CCDC88A: variants seen among roughly 807,000 people sequenced by gnomAD.
CCDC88A encodes the protein coiled-coil and HOOK domain protein 88A.
A neutral mutation model predicts 234.3 loss-of-function variants in CCDC88A; 54 were observed. The ratio of observed to expected loss-of-function variants is 0.23; its 90% CI spans 0.19 to 0.29. The LOEUF (loss-of-function observed/expected upper bound fraction) is 0.29. CCDC88A is among the 10% of genes least tolerant of loss of function. The pLI is 1.00. For missense variants in CCDC88A, 1,832 were observed against 2,123.4 expected (o/e 0.86, Z 2.70); for synonymous variants, 753 against 737.8 (o/e 1.02, Z -0.33).
rs1202196350 is a variant in CCDC88A, at chr2:55,288,232, C to T, written c.*2968G>A. The stretch of plus-strand genomic sequence containing the variant: ...AAGTGCAACTTTATCCATATGCATT[C>T]CTTTTAAGGCATTTTCATTGTCCAA... On this transcript the variant is annotated 3_prime_UTR_variant, in exon 33 of 33. Coordinates refer to ENST00000436346, the MANE Select transcript of CCDC88A (RefSeq NM_001365480.1). The T allele has an allele frequency of 6.6e-6, 1 of 152,548 alleles. No homozygotes were observed. The highest frequency in any genetic ancestry group is 1.5e-5 in the Non-Finnish European group (1 of 68,022). The allele number at this position is 152,548 out of a possible 1,614,324, so 9.4% of individuals were successfully genotyped here.
At chr2:55,294,452 A>G (rs1449852238) in intron 31 of CCDC88A, 1 of 859,562 alleles carries the variant, frequency 1.2e-6, no homozygotes, top group Non-Finnish European at 1.4e-6. Flanking sequence ...TTTTATAAAT[A>G]TGGGTATTAG....
intron 2 of CCDC88A, among the ~76,000 whole-genome samples, chr2:55,408,878 C>T (rs1680022071): frequency 6.6e-6 from 1 of 152,116 alleles, no homozygotes; most frequent in South Asian, 2.1e-4. Flanking sequence ...GTAAGTTCCT[C>T]CTGATACTTG....
rs1467625519 is a variant in CCDC88A at position 55,335,098 on chromosome 2, G to C, written c.1723C>G (p.Gln575Glu). 1 of 1,598,664 alleles carries C rather than the reference G, an allele frequency of 6.3e-7. No individual in the cohort carries two copies. Among genetic ancestry groups the C allele is most frequent in the South Asian group, 1.1e-5 (1 of 87,418 alleles). The change falls in exon 15 of 33, where the codon CAG (glutamine) becomes GAG (glutamate). Residue 575 changes from glutamine (Q) to glutamate (E), a missense_variant. Around this residue, in one of 6 missense-constraint regions of CCDC88A, gnomAD observed 1,282 missense variants for 1,543.6 expected, o/e 0.83. Coordinates refer to ENST00000436346, the MANE Select transcript of CCDC88A (RefSeq NM_001365480.1). The surrounding 1 kb of genome is among the most constrained non-coding windows in gnomAD (Gnocchi z 4.5). ...QTVSSLRQRS[Q>E]ISAEARVKDI... ...TTCACTCTTGCTTCTGCACTTATCT[G>C]GGACCGCTGCCTTAAGGAAGACACT...
chr2:55,358,943 G>A (rs530432704), intron 7 of CCDC88A, among the ~76,000 whole-genome samples: 1 of 152,128 alleles, frequency 6.6e-6, no homozygotes, highest in South Asian at 2.1e-4. Context: ...CACATACTTG[G>A]AGTCAACTTT....
chr2:55,386,029 GC>G (rs2104879735), intron 3 of CCDC88A, among the ~76,000 whole-genome samples: 1 of 151,344 alleles, frequency 6.6e-6, no homozygotes, highest in Admixed American at 6.6e-5. Context: ...TTCAAGACCA[GC>G]CTGACCAATA....
At chr2:55,350,862 G>C (rs925598230) in intron 8 of CCDC88A, among the ~76,000 whole-genome samples, 1 of 151,976 alleles carries the variant, frequency 6.6e-6, no homozygotes, top group African/African-American at 2.4e-5. Context: ...CTGTTGTCCA[G>C]GGTGGTCTTG....
chr2:55,343,663 T>A lies in CCDC88A; in HGVS notation c.1318A>T (p.Ser440Cys), dbSNP rs748600311. Reference sequence around the variant, plus strand: ...TTGGGAATACCTTCGGAAAGTTCACTAGTTCTGGATATCTGTTCCAGTTCC... The same window carrying A: ...TTGGGAATACCTTCGGAAAGTTCACAAGTTCTGGATATCTGTTCCAGTTCC... ...GWELEQISRTSELSEAPQKSL... is the reference protein window; with the variant it reads ...GWELEQISRTCELSEAPQKSL... Residue 440 changes from serine (S) to cysteine (C), a missense_variant, in exon 12 of 33, where the codon AGT becomes TGT. By Grantham distance (112) the Ser-to-Cys change is moderately radical. Coordinates refer to ENST00000436346, the MANE Select transcript of CCDC88A (RefSeq NM_001365480.1). 4.4e-6 allele frequency: 7 copies of A among 1,602,574 alleles called. No homozygotes were observed. Among genetic ancestry groups the A allele is most frequent in the Non-Finnish European group, 6.0e-6 (7 of 1,176,058 alleles).
At chr2:55,369,829 A>C (rs745675246) in intron 5 of CCDC88A, among the ~76,000 whole-genome samples, 1 of 152,102 alleles carries the variant, frequency 6.6e-6, no homozygotes, top group Non-Finnish European at 1.5e-5. Flanking sequence ...AACTTAAGAA[A>C]ATACTTCTTC....
At chr2:55,400,592 G>C (rs753464379) in intron 2 of CCDC88A, among the ~76,000 whole-genome samples, 21 of 152,230 alleles carry the variant, frequency 1.4e-4, no homozygotes, top group Non-Finnish European at 2.1e-4. Flanking sequence ...TTGTAAATCA[G>C]GAAAAAAGAT....
rs1042346130 is a variant in CCDC88A at position 55,388,808 on chromosome 2, A to C, written c.243T>G (p.Ile81Met). ...AATAAAATTTTATCTGTCTCACCAA[A>C]ATGGATAGATTGTGCATTCTAAGTG... is the stretch of plus-strand genomic sequence containing the variant. Reference protein sequence around the residue: ...DASLRMHNLSILVRQIKFYYQ... With the variant: ...DASLRMHNLSMLVRQIKFYYQ... Residue 81 changes from isoleucine to methionine, a missense_variant, in exon 3 of 33, where the codon ATT (isoleucine) becomes ATG (methionine). Transcript: ENST00000436346. 16 of 1,523,586 alleles carry C rather than the reference A, an allele frequency of 1.1e-5. No individual in the cohort carries two copies. The highest frequency in any genetic ancestry group is 1.4e-5 in the Non-Finnish European group (16 of 1,114,982). The allele number at this position is 1,523,586 out of a possible 1,614,324, so 94.4% of individuals were successfully genotyped here.
intron 12 of CCDC88A, among the ~76,000 whole-genome samples, chr2:55,343,254 G>A (rs1668722183): frequency 6.6e-6 from 1 of 152,070 alleles, no homozygotes; most frequent in Non-Finnish European, 1.5e-5. Context: ...CTGAAAATTT[G>A]CCCATTATGC....
chr2:55,381,326 T>C (rs777428358), intron 3 of CCDC88A, among the ~76,000 whole-genome samples: 4 of 151,986 alleles, frequency 2.6e-5, no homozygotes, highest in Non-Finnish European at 5.9e-5. Context: ...CTGAGGCAGA[T>C]GGATCGCTTG....
intron 16 of CCDC88A, chr2:55,329,206 T>C (rs1287751581): frequency 6.6e-6 from 1 of 152,200 alleles, no homozygotes; most frequent in Non-Finnish European, 1.5e-5. Context: ...TTCTGAATGG[T>C]AGATAAATGA....
intron 2 of CCDC88A, among the ~76,000 whole-genome samples, chr2:55,393,287 G>A (rs1469750345): frequency 1.3e-5 from 1 of 74,176 alleles, no homozygotes; most frequent in Admixed American, 1.8e-4. Flanking sequence ...TTGGTTTTTT[G>A]GGTTTTTTTT....
chr2:55,321,151 T>C (rs1327166573), intron 18 of CCDC88A: 1 of 151,370 alleles, frequency 6.6e-6, no homozygotes, highest in African/African-American at 2.4e-5. Flanking sequence ...ATGGGATTTT[T>C]AAAGACTAGT....
chr2:55,357,069 G>C (rs369852969), intron 7 of CCDC88A, among the ~76,000 whole-genome samples: 4 of 152,128 alleles, frequency 2.6e-5, no homozygotes, highest in African/African-American at 9.7e-5. Flanking sequence ...CACTGTTCTT[G>C]AATTATGAAC....
chr2:55,346,961 A>T (rs2104732612), intron 9 of CCDC88A, among the ~76,000 whole-genome samples: 1 of 152,286 alleles, frequency 6.6e-6, no homozygotes, highest in South Asian at 2.1e-4. Flanking sequence ...TGTAAAAAAT[A>T]TTCAGGATAT....
rs1018716172 is a variant in CCDC88A at position 55,419,211 on chromosome 2, AG to A, written c.-133del. ...AGGGAGAAAAATCCCATCGTGGAGG[AG>A]GGGGGCACTCTCCCTCCTCAAAAAA... is the stretch of plus-strand genomic sequence containing the variant. On this transcript the variant is annotated 5_prime_UTR_variant, in exon 1 of 33. The change creates a premature stop within an existing upstream ORF in the 5' untranslated region. Coordinates refer to ENST00000436346, the MANE Select transcript of CCDC88A (RefSeq NM_001365480.1). 141 of 637,900 alleles carry A rather than the reference AG, an allele frequency of 2.2e-4. No homozygotes were observed. Among genetic ancestry groups the A allele is most frequent in the South Asian group, 1.5e-3 (78 of 51,120 alleles). 39.5% of individuals were successfully genotyped at this position (637,900 alleles called of 1,614,324 possible).
At chr2:55,375,259 T>C (rs527745032) in intron 3 of CCDC88A, among the ~76,000 whole-genome samples, 1 of 151,874 alleles carries the variant, frequency 6.6e-6, no homozygotes, top group Admixed American at 6.6e-5. Flanking sequence ...TGTCCCCAAA[T>C]TAAAGCATTC....
Sources: gnomAD v4.1 joint callset for allele counts (sites outside exome capture counted in the v4.1 genomes callset) on GRCh38, gnomAD v4.1.1 for gene constraint, gnomAD v4.1.1 regional missense constraint, Gnocchi (gnomAD v3.1) non-coding constraint, MANE v1.5 for transcripts, NCBI Gene and HGNC (gene_info 2026-07-23, HGNC 2026-07-21) for gene names.